Variants in RASGEF1A observed in about 807,000 individuals in gnomAD.
RASGEF1A encodes RasGEF domain family member 1A.
RASGEF1A carries 18 observed loss-of-function variants against 56.4 expected under a neutral mutation model. The observed-to-expected ratio is 0.32, with a 90% CI of 0.22 to 0.47. The LOEUF (loss-of-function observed/expected upper bound fraction) is 0.47, where lower values mean the gene tolerates loss of function less well. Among genes scored for constraint, RASGEF1A ranks in the 20% least tolerant of loss-of-function variants. The pLI, the probability that RASGEF1A is intolerant of heterozygous loss-of-function variation, is 1.00. For synonymous variants in RASGEF1A, 245 were observed against 242.6 expected (o/e 1.01, Z -0.09); for missense variants, 422 against 627.1 (o/e 0.67, Z 3.49).
chr10:43,244,136 T>C (rs1840542919), intron 1 of RASGEF1A, among the ~76,000 whole-genome samples: 1 of 152,220 alleles, frequency 6.6e-6, no homozygotes, highest in Admixed American at 6.5e-5. Context: ...CAGGGTTAAA[T>C]GGATTAAGGG....
intron 6 of RASGEF1A, 125 bp downstream of exon 6, chr10:43,200,057 G>T (rs1396914674): frequency 2.6e-6 from 2 of 769,708 alleles, no homozygotes; most frequent in Non-Finnish European, 4.3e-6. Context: ...ATCCATCGGG[G>T]CTCATGGCCC....
chr10:43,202,128 C>T (rs1832854840), intron 3 of RASGEF1A, among the ~76,000 whole-genome samples, 183 bp from the exon 4 acceptor site: 2 of 152,152 alleles, frequency 1.3e-5, no homozygotes, highest in Admixed American at 1.3e-4. Flanking sequence ...TGTTTGGTTC[C>T]TTCTTCCTTC....
intron 1 of RASGEF1A, among the ~76,000 whole-genome samples, chr10:43,241,577 CAG>C (rs1264442792): frequency 6.6e-6 from 1 of 151,540 alleles, no homozygotes; most frequent in Non-Finnish European, 1.5e-5. Context: ...AAGGAAAAGA[CAG>C]AAATTAAAAT....
At chr10:43,244,898 C>A in intron 1 of RASGEF1A, among the ~76,000 whole-genome samples, 1 of 151,916 alleles carries the variant, frequency 6.6e-6, no homozygotes, top group Middle Eastern at 3.4e-3. Context: ...TAACATTCCA[C>A]CTTGAGAAAC....
At chr10:43,229,840 C>A (rs899413680) in intron 1 of RASGEF1A, 2 of 899,988 alleles carry the variant, frequency 2.2e-6, no homozygotes, top group Non-Finnish European at 3.0e-6. Context: ...GGGGTCCGGG[C>A]GGGGCAGAGG....
intron 1 of RASGEF1A, among the ~76,000 whole-genome samples, chr10:43,239,406 C>CAA (rs973791024): frequency 3.3e-5 from 5 of 152,090 alleles, no homozygotes; most frequent in Non-Finnish European, 7.4e-5. Context: ...TAAGGACCTC[C>CAA]AAAAACCCTC....
intron 2 of RASGEF1A, among the ~76,000 whole-genome samples, chr10:43,204,783 G>T (rs549618113): frequency 1.3e-5 from 2 of 152,220 alleles, no homozygotes; most frequent in African/African-American, 4.8e-5. Flanking sequence ...CGCCAAGGTG[G>T]CTCCTCTGGG....
chr10:43,225,226 G>C (rs1283101369), intron 1 of RASGEF1A, among the ~76,000 whole-genome samples: 2 of 109,338 alleles, frequency 1.8e-5, no homozygotes, highest in Middle Eastern at 0.012. Flanking sequence ...ATGTGTCTGT[G>C]TGTGTGTGCA....
chr10:43,203,640 C>T (rs1024342022), intron 2 of RASGEF1A: 2 of 1,219,834 alleles, frequency 1.6e-6, no homozygotes, highest in Non-Finnish European at 2.1e-6. Context: ...GCCCCGCCTC[C>T]CAGCAGCTCT....
intron 1 of RASGEF1A, among the ~76,000 whole-genome samples, chr10:43,229,216 C>A (rs941912907): frequency 7.2e-5 from 11 of 152,208 alleles, no homozygotes; most frequent in Non-Finnish European, 1.2e-4. Context: ...TCCCATGTGC[C>A]GTGAATAAGC....
intron 1 of RASGEF1A, chr10:43,229,817 G>T: frequency 9.0e-7 from 1 of 1,116,146 alleles, no homozygotes; most frequent in East Asian, 3.3e-5. Flanking sequence ...CGAGGGGCTG[G>T]GCTGGGGACC....
chr10:43,218,887 T>C (rs1840171150), intron 1 of RASGEF1A, among the ~76,000 whole-genome samples: 1 of 152,276 alleles, frequency 6.6e-6, no homozygotes, highest in Non-Finnish European at 1.5e-5. Context: ...TTCCCTTCTA[T>C]TACCCAATAC....
intron 9 of RASGEF1A, among the ~76,000 whole-genome samples, chr10:43,198,546 G>A (rs555817005): frequency 6.6e-6 from 1 of 152,322 alleles, no homozygotes; most frequent in Admixed American, 6.5e-5. Flanking sequence ...TGCAAAAATG[G>A]ACTCTGTGGT....
chr10:43,249,697 G>C (rs1334454847), intron 1 of RASGEF1A, among the ~76,000 whole-genome samples: 1 of 152,210 alleles, frequency 6.6e-6, no homozygotes, highest in African/African-American at 2.4e-5. Context: ...TGTTCCCCTT[G>C]CCTGCCAAGC....
chr10:43,196,444 TAC>T lies in RASGEF1A; in HGVS notation c.1421+30_1421+31del. ...CCCACCCTGAGTCCTCCCTCTTCCT[TAC>T]AGACTCCCATGTTCCTGACGCCCTC... is the stretch of plus-strand genomic sequence containing the variant. On this transcript the variant is annotated intron_variant, in intron 12 of 12. Coordinates refer to ENST00000395810, the MANE Select transcript of RASGEF1A (RefSeq NM_145313.4). The surrounding 1 kb of genome is among the most constrained non-coding windows in gnomAD (Gnocchi z 4.6). 5.0e-6 allele frequency: 8 copies of T among 1,607,538 alleles called. No homozygotes were observed. The highest frequency in any genetic ancestry group is 6.8e-6 in the Non-Finnish European group (8 of 1,174,082).
chr10:43,237,595 T>C (rs529182861), intron 1 of RASGEF1A, among the ~76,000 whole-genome samples: 2 of 152,208 alleles, frequency 1.3e-5, no homozygotes, highest in East Asian at 1.9e-4. Context: ...CTGCATCTGC[T>C]ATTTTGCAGC....
intron 1 of RASGEF1A, among the ~76,000 whole-genome samples, chr10:43,224,447 G>A (rs991133164): frequency 6.6e-6 from 1 of 152,130 alleles, no homozygotes; most frequent in Non-Finnish European, 1.5e-5. Context: ...AGGAACAAGA[G>A]GATGATTTAG....
rs1021772254 is a variant in RASGEF1A at position 43,266,892 on chromosome 10, G to A, written c.-54C>T. 2.1e-5 allele frequency: 3 copies of A among 145,956 alleles called. No individual in the cohort carries two copies. The highest frequency in any genetic ancestry group is 7.4e-5 in the African/African-American group (3 of 40,752). 9.0% of individuals were successfully genotyped at this position (145,956 alleles called of 1,614,324 possible). Reference sequence around the variant, plus strand: ...CCCGCGCCGCCCTCGCGCCGCAGTCGGGCCCCGAGCAGCGCGCGGCCGGCG... The same window carrying A: ...CCCGCGCCGCCCTCGCGCCGCAGTCAGGCCCCGAGCAGCGCGCGGCCGGCG... On this transcript the variant is annotated 5_prime_UTR_variant, in exon 1 of 13. Coordinates refer to ENST00000395810, the MANE Select transcript of RASGEF1A (RefSeq NM_145313.4).
intron 1 of RASGEF1A, among the ~76,000 whole-genome samples, chr10:43,218,028 A>C (rs1477330441): frequency 6.6e-6 from 1 of 151,870 alleles, no homozygotes; most frequent in Non-Finnish European, 1.5e-5. Context: ...AGTGGGCCCC[A>C]CCCCAGCTGG....
Sources: allele counts gnomAD v4.1 joint callset (sites outside exome capture counted in the v4.1 genomes callset), GRCh38; gene constraint gnomAD v4.1.1; non-coding constraint Gnocchi (gnomAD v3.1); transcripts MANE v1.5; gene names NCBI Gene and HGNC (gene_info 2026-07-23, HGNC 2026-07-21).